PARD3B: variants seen among roughly 807,000 people sequenced by gnomAD.
PARD3B encodes partitioning defective 3 homolog B.
A neutral mutation model predicts 130.2 loss-of-function variants in PARD3B; 103 were observed. That is an observed-to-expected ratio of 0.79 (90% CI 0.67 to 0.93). PARD3B has a LOEUF of 0.93. Among genes scored for constraint, PARD3B ranks in the 40% least tolerant of loss-of-function variants. The pLI is 0.00. For synonymous variants in PARD3B, 583 were observed against 553.2 expected (o/e 1.05, Z -0.76); for missense variants, 1,609 against 1,499.2 (o/e 1.07, Z -1.21).
intron 3 of PARD3B, among the ~76,000 whole-genome samples, chr2:204,981,926 G>T (rs920200575): frequency 1.3e-5 from 2 of 151,980 alleles, no homozygotes; most frequent in African/African-American, 4.8e-5. Context: ...TTTTTTAGCA[G>T]GGAGTCTATC....
chr2:205,237,929 A>G (rs2039142793), intron 15 of PARD3B, among the ~76,000 whole-genome samples: 1 of 152,212 alleles, frequency 6.6e-6, no homozygotes, highest in Admixed American at 6.5e-5. Flanking sequence ...CTTGCTAGGA[A>G]CTTGTCTGAA....
chr2:204,787,635 AT>A (rs1387691847), intron 2 of PARD3B, among the ~76,000 whole-genome samples: 1 of 152,248 alleles, frequency 6.6e-6, no homozygotes, highest in Non-Finnish European at 1.5e-5. Flanking sequence ...AGTGTAGCCA[AT>A]TCATGTTCAG....
chr2:204,770,886 T>TC (rs1460057966), intron 2 of PARD3B, among the ~76,000 whole-genome samples: 1 of 152,092 alleles, frequency 6.6e-6, no homozygotes, highest in Non-Finnish European at 1.5e-5. Context: ...ACATTTTTAA[T>TC]CTCTTGTGCA....
intron 22 of PARD3B, among the ~76,000 whole-genome samples, chr2:205,606,935 C>T (rs750288067): frequency 2.6e-4 from 39 of 152,268 alleles, no homozygotes; most frequent in Admixed American, 8.5e-4. Flanking sequence ...GGCTCCCAGA[C>T]CCCTTTCAGA....
chr2:204,704,793 C>T (rs2038058684), intron 2 of PARD3B, among the ~76,000 whole-genome samples: 1 of 151,908 alleles, frequency 6.6e-6, no homozygotes, highest in Non-Finnish European at 1.5e-5. Context: ...ATATTTTTTC[C>T]CCTAATGCTT....
intron 16 of PARD3B, among the ~76,000 whole-genome samples, chr2:205,247,295 G>T (rs1352472708): frequency 1.3e-5 from 2 of 152,110 alleles, no homozygotes; most frequent in Non-Finnish European, 2.9e-5. Context: ...ACTCTTTTTA[G>T]ATGAGAACTT....
rs556802701 is a variant in PARD3B at position 205,085,180 on chromosome 2, C to G, written c.505-19246C>G. On this transcript the variant is annotated intron_variant, in intron 4 of 22. Coordinates refer to ENST00000406610, the MANE Select transcript of PARD3B (RefSeq NM_001302769.2). ...ATCTTTCTCTGGATTGTTCTTTTTT[C>G]TTTATGTAATTAATGACCTTTTAAT... Among the ~76,000 whole-genome samples the G allele has an allele frequency of 2.0e-5, 3 of 152,070 alleles. No individual in the cohort carries two copies. In the East Asian group the frequency reaches 5.8e-4, roughly 29 times the overall value.
chr2:205,249,080 G>C (rs1395296098), intron 16 of PARD3B, among the ~76,000 whole-genome samples: 2 of 129,982 alleles, frequency 1.5e-5, no homozygotes, highest in Non-Finnish European at 3.1e-5. Context: ...CACGATCTCT[G>C]CTCACTGCAA....
At chr2:205,583,889 G>A (rs1194249518) in intron 22 of PARD3B, among the ~76,000 whole-genome samples, 1 of 152,112 alleles carries the variant, frequency 6.6e-6, no homozygotes, top group Non-Finnish European at 1.5e-5. Flanking sequence ...ACCTGTGCCT[G>A]TCACTTCCAA....
At chr2:205,543,275 A>G (rs1393584864) in intron 21 of PARD3B, among the ~76,000 whole-genome samples, 2 of 152,234 alleles carry the variant, frequency 1.3e-5, no homozygotes, top group Non-Finnish European at 2.9e-5. Context: ...GGCTATTTTT[A>G]TAACACATAT....
intron 16 of PARD3B, among the ~76,000 whole-genome samples, chr2:205,277,458 G>A (rs2040994056): frequency 6.6e-6 from 1 of 152,104 alleles, no homozygotes; most frequent in Non-Finnish European, 1.5e-5. Context: ...ATATATATTA[G>A]TCATTATTAT....
rs918567803 is a variant in PARD3B, at chr2:205,255,985, G to C, written c.2185+10163G>C. 4.6e-5 allele frequency among the ~76,000 whole-genome samples: 7 copies of C among 152,186 alleles called. No individual in the cohort carries two copies. The South Asian group carries it at 6.2e-4, about 14-fold the overall frequency. ...GAAAATTCCAACCCTCTAGTCACTT[G>C]GTTGATTCCCTTGGCAGGCAGCCCC... is the stretch of plus-strand genomic sequence containing the variant. On this transcript the variant is annotated intron_variant, in intron 16 of 22. Coordinates refer to ENST00000406610, the MANE Select transcript of PARD3B (RefSeq NM_001302769.2).
chr2:204,865,462 G>T (rs759932265), intron 2 of PARD3B, among the ~76,000 whole-genome samples: 1 of 152,158 alleles, frequency 6.6e-6, no homozygotes, highest in African/African-American at 2.4e-5. Context: ...CTATAAAAAG[G>T]AATGAAATAA....
chr2:205,035,655 T>C (rs1207114169), intron 3 of PARD3B, among the ~76,000 whole-genome samples: 1 of 151,630 alleles, frequency 6.6e-6, no homozygotes, highest in Non-Finnish European at 1.5e-5. Flanking sequence ...GTTGGGAATA[T>C]TCTTATATTA....
At chr2:204,997,165 G>A (rs574652756) in intron 3 of PARD3B, among the ~76,000 whole-genome samples, 4 of 152,204 alleles carry the variant, frequency 2.6e-5, no homozygotes, top group Non-Finnish European at 4.4e-5. Flanking sequence ...ATAATACTCC[G>A]TGATATCTGT....
At position 205,528,496 on chromosome 2, in the gene PARD3B, C is replaced by CT. The variant is rs779110151; in HGVS notation, c.3181-24814dup. On this transcript the variant is annotated intron_variant, in intron 21 of 22. Transcript: ENST00000406610. Reference sequence around the variant, plus strand: ...CTCTTCGTGTCAGACATGACACAATCTTTTTTTTTTTTTTGAAACAGAGTC... The same window carrying CT: ...CTCTTCGTGTCAGACATGACACAATCTTTTTTTTTTTTTTTGAAACAGAGTC... Among the ~76,000 whole-genome samples, 508 of 144,884 alleles carry CT rather than the reference C, an allele frequency of 3.5e-3. 3 individuals carry two copies. Among genetic ancestry groups the CT allele is most frequent in the South Asian group, 0.02 (91 of 4,512 alleles).
At chr2:204,757,647 G>A (rs912091540) in intron 2 of PARD3B, among the ~76,000 whole-genome samples, 2 of 152,062 alleles carry the variant, frequency 1.3e-5, no homozygotes, top group African/African-American at 2.4e-5. Context: ...ATACCTTTGT[G>A]AAAGATTGCA....
chr2:205,521,484 T>A (rs2051053702), intron 21 of PARD3B, among the ~76,000 whole-genome samples: 1 of 152,060 alleles, frequency 6.6e-6, no homozygotes, highest in African/African-American at 2.4e-5. Context: ...TATTTTTGTG[T>A]AAACAAACCT....
At chr2:205,390,826 C>T (rs1322354862) in intron 18 of PARD3B, among the ~76,000 whole-genome samples, 1 of 152,204 alleles carries the variant, frequency 6.6e-6, no homozygotes, top group Non-Finnish European at 1.5e-5. Flanking sequence ...ATACAAATTG[C>T]CCATGTGTTA....
Sources: allele counts gnomAD v4.1 joint callset (sites outside exome capture counted in the v4.1 genomes callset), GRCh38; gene constraint gnomAD v4.1.1; transcripts MANE v1.5; gene names NCBI Gene and HGNC (gene_info 2026-07-23, HGNC 2026-07-21).